ADAMTS17: variants seen among roughly 807,000 people sequenced by gnomAD.
ADAMTS17 encodes A disintegrin and metalloproteinase with thrombospondin motifs 17.
ADAMTS17 carries 113 observed loss-of-function variants against 141.5 expected under a neutral mutation model. That is an observed-to-expected ratio of 0.80 (90% CI 0.69 to 0.93). The LOEUF (loss-of-function observed/expected upper bound fraction) is 0.93. Among genes scored for constraint, ADAMTS17 ranks in the 40% least tolerant of loss-of-function variants. ADAMTS17 has a pLI of 0.00. For synonymous variants in ADAMTS17, 768 were observed against 630.6 expected, an observed-to-expected ratio of 1.22 and a Z score of -3.27; for missense variants, 1,659 against 1,517.9, an observed-to-expected ratio of 1.09 and a Z score of -1.54.
chr15:100,292,165 G>GGGAGTTACGAGAGACGCTCAGCCCGTGA (rs1567496984), intron 3 of ADAMTS17, among the ~76,000 whole-genome samples: 1 of 124,238 alleles, frequency 8.0e-6, no homozygotes, highest in East Asian at 2.8e-4. Context: ...TCACCCCGTG[G>GGGAGTTACGAGAGACGCTCAGCCCGTGA]GAAACTACGA....
At chr15:100,155,482 C>T (rs2039391476) in intron 8 of ADAMTS17, among the ~76,000 whole-genome samples, 162 bp from the exon 9 acceptor site, 1 of 152,176 alleles carries the variant, frequency 6.6e-6, no homozygotes, top group Admixed American at 6.5e-5. Context: ...TGTGTTTTCA[C>T]AGAAATAGAG....
At chr15:100,176,440 C>T (rs531218538) in intron 8 of ADAMTS17, among the ~76,000 whole-genome samples, 9 of 152,256 alleles carry the variant, frequency 5.9e-5, no homozygotes, top group African/African-American at 7.2e-5. Flanking sequence ...AAGTGTGACC[C>T]GGACATCTGG....
At chr15:100,333,936 C>T (rs1184839103) in intron 2 of ADAMTS17, among the ~76,000 whole-genome samples, 1 of 152,226 alleles carries the variant, frequency 6.6e-6, no homozygotes, top group Admixed American at 6.5e-5. Flanking sequence ...ATAATAAAGC[C>T]CCCAATGAAA....
chr15:100,124,281 A>T (rs57210048), intron 12 of ADAMTS17, among the ~76,000 whole-genome samples: 1 of 152,178 alleles, frequency 6.6e-6, no homozygotes, highest in African/African-American at 2.4e-5. Flanking sequence ...TAGGACTCCT[A>T]AACGTGAATA....
At position 100,262,450 on chromosome 15, in the gene ADAMTS17, A is replaced by G; in HGVS notation, c.790-15T>C. 1 of 1,605,908 alleles carries G rather than the reference A, an allele frequency of 6.2e-7. No homozygotes were observed. The highest frequency in any genetic ancestry group is 8.5e-7 in the Non-Finnish European group (1 of 1,173,950). ...ATATTGTATACCTATCAAGACAGAA[A>G]AAAGAAATAAAGATATAAAGATAAA... On this transcript the variant is annotated splice_polypyrimidine_tract_variant and intron_variant, in intron 4 of 21. Transcript: ENST00000268070.
chr15:100,148,226 TCTTA>T (rs1354934568), intron 10 of ADAMTS17, among the ~76,000 whole-genome samples: 3 of 152,242 alleles, frequency 2.0e-5, no homozygotes, highest in Non-Finnish European at 4.4e-5. Context: ...ACAATTATAT[TCTTA>T]CTGTTTTTCA....
chr15:100,256,061 T>C (rs2141972029), intron 6 of ADAMTS17, among the ~76,000 whole-genome samples: 1 of 152,368 alleles, frequency 6.6e-6, no homozygotes, highest in South Asian at 2.1e-4. Context: ...GCAAGCCACC[T>C]GCCTGCAGGG....
chr15:100,271,223 T>A (rs2043898773), intron 4 of ADAMTS17, among the ~76,000 whole-genome samples: 1 of 152,244 alleles, frequency 6.6e-6, no homozygotes, highest in African/African-American at 2.4e-5. Context: ...TATAAATATC[T>A]GTTCTTGTCC....
At chr15:100,286,670 A>G (rs1007570062) in intron 3 of ADAMTS17, among the ~76,000 whole-genome samples, 1 of 152,180 alleles carries the variant, frequency 6.6e-6, no homozygotes. Flanking sequence ...CATCCAAAGG[A>G]CAGCAACTTC....
At chr15:100,174,622 A>C (rs2040272458) in intron 8 of ADAMTS17, among the ~76,000 whole-genome samples, 1 of 152,202 alleles carries the variant, frequency 6.6e-6, no homozygotes, top group African/African-American at 2.4e-5. Flanking sequence ...TATAAATTAT[A>C]GCTTCTTGCA....
At chr15:100,034,672 C>A (rs2030529312) in intron 18 of ADAMTS17, among the ~76,000 whole-genome samples, 1 of 152,192 alleles carries the variant, frequency 6.6e-6, no homozygotes, top group Non-Finnish European at 1.5e-5. Flanking sequence ...GACATTTAAG[C>A]CACTAAGTCC....
intron 4 of ADAMTS17, among the ~76,000 whole-genome samples, chr15:100,278,185 C>A (rs2044162287): frequency 6.6e-6 from 1 of 152,062 alleles, no homozygotes; most frequent in African/African-American, 2.4e-5. Context: ...AGGAAGTTTC[C>A]ATTTTGTGGA....
chr15:100,206,645 G>A (rs1045703476), intron 7 of ADAMTS17, among the ~76,000 whole-genome samples: 3 of 152,206 alleles, frequency 2.0e-5, no homozygotes, highest in African/African-American at 7.2e-5. Context: ...AGGTGGGGGT[G>A]AGGCTGAGAA....
chr15:100,281,298 G>T lies in ADAMTS17; in HGVS notation c.720C>A (p.Ala240=). Reference sequence around the variant, plus strand: ...CGTGGTACTGCACCATGTCGGCGTCGGCCACCACCAGGGTCTCCACCGTGT... The same window carrying T: ...CGTGGTACTGCACCATGTCGGCGTCTGCCACCACCAGGGTCTCCACCGTGT... ...SEHTVETLVV[A]DADMVQYHGA... Residue 240 remains alanine, a synonymous_variant, in exon 4 of 22, where the codon GCC becomes GCA. Transcript: ENST00000268070. 1 of 1,609,226 alleles carries T rather than the reference G, an allele frequency of 6.2e-7. No individual in the cohort carries two copies. The highest frequency in any genetic ancestry group is 8.5e-7 in the Non-Finnish European group (1 of 1,179,990).
intron 8 of ADAMTS17, among the ~76,000 whole-genome samples, chr15:100,181,711 C>T (rs1480953): frequency 4.3e-4 from 66 of 152,354 alleles, no homozygotes; most frequent in African/African-American, 1.5e-3. Context: ...GTTCTCTTTA[C>T]GCTTCCCTCT....
intron 3 of ADAMTS17, among the ~76,000 whole-genome samples, chr15:100,330,438 G>C (rs1261184923): frequency 6.6e-6 from 1 of 152,330 alleles, no homozygotes; most frequent in South Asian, 2.1e-4. Flanking sequence ...TGATGCTGAT[G>C]CTGCTGGCCC....
chr15:100,109,670 G>A (rs1000258417), intron 13 of ADAMTS17, among the ~76,000 whole-genome samples: 1 of 152,094 alleles, frequency 6.6e-6, no homozygotes, highest in African/African-American at 2.4e-5. Flanking sequence ...AAGGGGACAT[G>A]TGCGCCGCTA....
At chr15:100,118,429 G>A (rs765658779) in intron 12 of ADAMTS17, among the ~76,000 whole-genome samples, 8 of 152,240 alleles carry the variant, frequency 5.3e-5, no homozygotes, top group Non-Finnish European at 1.2e-4. Flanking sequence ...AGGAGAAGAA[G>A]AGATCTAGAG....
chr15:100,112,997 G>A (rs1199038115), intron 13 of ADAMTS17, among the ~76,000 whole-genome samples: 2 of 152,178 alleles, frequency 1.3e-5, no homozygotes, highest in Admixed American at 1.3e-4. Context: ...ACATTGCTTT[G>A]AGTTCATCAC....
Sources: gnomAD v4.1 joint callset for allele counts (sites outside exome capture counted in the v4.1 genomes callset) on GRCh38, gnomAD v4.1.1 for gene constraint, MANE v1.5 for transcripts, NCBI Gene and HGNC (gene_info 2026-07-23, HGNC 2026-07-21) for gene names.